Variants in MBNL1 observed in about 807,000 individuals in gnomAD.
The protein encoded by MBNL1 is muscleblind like splicing regulator 1.
Under a neutral mutation model 42.2 loss-of-function variants are expected in MBNL1, and 8 were observed. The observed-to-expected ratio is 0.19, with a 90% CI of 0.11 to 0.34. The LOEUF is 0.34. MBNL1 is among the 10% of genes least tolerant of loss of function. The pLI is 1.00. For missense variants in MBNL1, 309 were observed against 495.3 expected (o/e 0.62, Z 3.57); for synonymous variants, 169 against 173.9 (o/e 0.97, Z 0.22).
chr3:152,414,079 A>G (rs574511908), intron 2 of MBNL1, among the ~76,000 whole-genome samples: 3 of 152,246 alleles, frequency 2.0e-5, no homozygotes, highest in Admixed American at 6.5e-5. Flanking sequence ...ATTTATCTCC[A>G]TTATTTCAGT....
intron 2 of MBNL1, among the ~76,000 whole-genome samples, chr3:152,378,643 T>C (rs532120273): frequency 1.8e-3 from 280 of 152,292 alleles, no homozygotes; most frequent in Non-Finnish European, 3.3e-3. Context: ...TCCAATAATA[T>C]CAAGAAATCA....
chr3:152,434,261 G>A (rs2099048757), intron 4 of MBNL1, among the ~76,000 whole-genome samples: 1 of 152,082 alleles, frequency 6.6e-6, no homozygotes, highest in East Asian at 1.9e-4. Flanking sequence ...TGTCCATGAG[G>A]TCTCATCATT....
chr3:152,377,280 T>C (rs1422823921), intron 2 of MBNL1, among the ~76,000 whole-genome samples: 2 of 152,202 alleles, frequency 1.3e-5, no homozygotes, highest in Non-Finnish European at 1.5e-5. Context: ...CCTTTGAATC[T>C]GGGTTGATTT....
chr3:152,322,252 T>C (rs747202702), intron 2 of MBNL1, among the ~76,000 whole-genome samples: 3 of 152,068 alleles, frequency 2.0e-5, no homozygotes, highest in Non-Finnish European at 4.4e-5. Flanking sequence ...CCAATAAATA[T>C]TACTTTATTT....
At chr3:152,435,322 T>C (rs1186585677) in intron 4 of MBNL1, among the ~76,000 whole-genome samples, 1 of 152,186 alleles carries the variant, frequency 6.6e-6, no homozygotes, top group Non-Finnish European at 1.5e-5. Context: ...CTTGTTATTG[T>C]CAACTTTGTT....
chr3:152,347,609 A>C (rs1022771699), intron 2 of MBNL1, among the ~76,000 whole-genome samples: 1 of 152,090 alleles, frequency 6.6e-6, no homozygotes, highest in African/African-American at 2.4e-5. Context: ...AACACAGAAA[A>C]TCATGTAAGA....
intron 2 of MBNL1, among the ~76,000 whole-genome samples, chr3:152,310,967 A>G (rs1389693821): frequency 6.7e-6 from 1 of 150,260 alleles, no homozygotes; most frequent in Non-Finnish European, 1.5e-5. Context: ...AAAGTAGTAT[A>G]ACTGTTATTT....
intron 3 of MBNL1, among the ~76,000 whole-genome samples, chr3:152,431,055 T>A (rs2099000443): frequency 6.6e-6 from 1 of 152,256 alleles, no homozygotes; most frequent in Non-Finnish European, 1.5e-5. Context: ...TAAAAATGTA[T>A]AGCTAAATGC....
intron 2 of MBNL1, among the ~76,000 whole-genome samples, chr3:152,350,991 C>G (rs1207478266): frequency 6.6e-6 from 1 of 152,034 alleles, no homozygotes; most frequent in Non-Finnish European, 1.5e-5. Flanking sequence ...AGGCTGATGA[C>G]TAATTAGCTA....
chr3:152,411,734 C>T (rs2098580582), intron 2 of MBNL1, among the ~76,000 whole-genome samples: 1 of 152,064 alleles, frequency 6.6e-6, no homozygotes, highest in African/African-American at 2.4e-5. Flanking sequence ...TTTTATGATG[C>T]CAGAAACATT....
At chr3:152,381,328 C>A (rs1487846476) in intron 2 of MBNL1, among the ~76,000 whole-genome samples, 1 of 151,786 alleles carries the variant, frequency 6.6e-6, no homozygotes, top group African/African-American at 2.4e-5. Context: ...GTAGAAAAAG[C>A]CCATGGCATA....
At chr3:152,426,351 A>G (rs1488200850) in intron 3 of MBNL1, among the ~76,000 whole-genome samples, 1 of 152,224 alleles carries the variant, frequency 6.6e-6, no homozygotes, top group Non-Finnish European at 1.5e-5. Context: ...TTAAAGTATA[A>G]TAAAAATCAA....
chr3:152,314,536 C>G (rs1188959711), intron 2 of MBNL1, among the ~76,000 whole-genome samples: 1 of 152,074 alleles, frequency 6.6e-6, no homozygotes, highest in Non-Finnish European at 1.5e-5. Flanking sequence ...CTACCACGCC[C>G]GGCTAATTTT....
intron 2 of MBNL1, among the ~76,000 whole-genome samples, chr3:152,308,244 C>T (rs2064304622): frequency 6.6e-6 from 1 of 152,142 alleles, no homozygotes; most frequent in African/African-American, 2.4e-5. Flanking sequence ...GAAGTGTTAT[C>T]TTATCATAAA....
chr3:152,332,338 G>A (rs2085265278), intron 2 of MBNL1, among the ~76,000 whole-genome samples: 1 of 152,180 alleles, frequency 6.6e-6, no homozygotes, highest in African/African-American at 2.4e-5. Context: ...CAGTGTTAAA[G>A]TTGGAGACTG....
chr3:152,348,379 C>T (rs746985529), intron 2 of MBNL1, among the ~76,000 whole-genome samples: 1 of 151,982 alleles, frequency 6.6e-6, no homozygotes, highest in Non-Finnish European at 1.5e-5. Flanking sequence ...AATGGATAAA[C>T]TCAGTAGGTA....
intron 3 of MBNL1, among the ~76,000 whole-genome samples, chr3:152,420,137 C>G (rs1342665661): frequency 6.6e-6 from 1 of 152,238 alleles, no homozygotes; most frequent in Admixed American, 6.5e-5. Flanking sequence ...ACTCCCATCT[C>G]TCTGGGACAG....
At chr3:152,293,201 A>G (rs1007290825) in intron 1 of MBNL1, among the ~76,000 whole-genome samples, 3 of 152,242 alleles carry the variant, frequency 2.0e-5, no homozygotes, top group African/African-American at 7.2e-5. Context: ...TGAAATTGCC[A>G]TGGGTACTGC....
chr3:152,458,153 T>G, intron 8 of MBNL1: 1 of 1,613,980 alleles, frequency 6.2e-7, no homozygotes. Flanking sequence ...GCTTCTACAC[T>G]GTTGGGTGCA....
Sources: allele counts gnomAD v4.1 joint callset (sites outside exome capture counted in the v4.1 genomes callset), GRCh38; gene constraint gnomAD v4.1.1; transcripts MANE v1.5; gene names NCBI Gene and HGNC (gene_info 2026-07-23, HGNC 2026-07-21).